MYO18B: variants seen among roughly 807,000 people sequenced by gnomAD.
MYO18B encodes myosin XVIIIB.
In MYO18B, 204 loss-of-function variants were observed where a neutral mutation model predicts 273.0. The ratio of observed to expected loss-of-function variants is 0.75; its 90% CI spans 0.67 to 0.84. The LOEUF (loss-of-function observed/expected upper bound fraction) is 0.84. MYO18B is among the 40% of genes least tolerant of loss of function. The probability of loss-of-function intolerance (pLI) is 0.00; values close to 1 mark genes in which losing one functional copy is unlikely to be tolerated. For missense variants in MYO18B, 3,212 were observed against 3,287.6 expected, an observed-to-expected ratio of 0.98 and a Z score of 0.56; for synonymous variants, 1,330 against 1,305.7, an observed-to-expected ratio of 1.02 and a Z score of -0.40.
chr22:25,990,754 G>A (rs7292258), intron 39 of MYO18B, among the ~76,000 whole-genome samples: 84,650 of 135,690 alleles, frequency 0.62, 28,074 homozygotes, highest in African/African-American at 0.82. Context: ...CAGGCTAAGA[G>A]AGGGGCTGTG....
chr22:26,049,949 A>G, the MYO18B span, among the ~76,000 whole-genome samples: 21 of 152,370 alleles, frequency 1.4e-4, no homozygotes, highest in East Asian at 4.0e-3. Flanking sequence ...TGTAGACTCA[A>G]TACATTGGAG....
intron 32 of MYO18B, 105 bp from the exon 33 acceptor site, chr22:25,910,841 G>A (rs1384148636): frequency 1.1e-6 from 1 of 888,742 alleles, no homozygotes; most frequent in Non-Finnish European, 1.8e-6. Context: ...ATGGAACAAA[G>A]CCACAAGCTC....
rs1251661386 is a variant in MYO18B, at chr22:25,771,126, G to A, written c.1692+142G>A. On this transcript the variant is annotated intron_variant, in intron 6 of 43. Coordinates refer to ENST00000335473, the MANE Select transcript of MYO18B (RefSeq NM_032608.7). ...ATTTTGGCTTGATGCCCTGGAGGGA[G>A]TTATAGTGAAGAACCCCACTGAACT... The A allele has an allele frequency of 7.7e-6, 5 of 647,954 alleles. No homozygotes were observed. The East Asian group carries it at 8.3e-5, about 11-fold the overall frequency. The allele number at this position is 647,954 out of a possible 1,614,324, so 40.1% of individuals were successfully genotyped here. A position where few individuals can be genotyped will look rare whatever the true frequency, so the allele number is the denominator to read the frequency against.
chr22:25,812,202 A>C (rs1306793271), intron 12 of MYO18B, among the ~76,000 whole-genome samples: 2 of 152,180 alleles, frequency 1.3e-5, no homozygotes, highest in Non-Finnish European at 2.9e-5. Flanking sequence ...CCTCCAAGAC[A>C]GGCCTGGCCT....
intron 1 of MYO18B, among the ~76,000 whole-genome samples, chr22:25,759,323 A>T (rs2086227647): frequency 6.6e-6 from 1 of 152,210 alleles, no homozygotes; most frequent in South Asian, 2.1e-4. Flanking sequence ...AAAATGTGGC[A>T]CATGTAATAC....
chr22:25,778,503 G>A (rs535418623), intron 8 of MYO18B, among the ~76,000 whole-genome samples: 42 of 151,866 alleles, frequency 2.8e-4, no homozygotes, highest in African/African-American at 8.2e-4. Flanking sequence ...TTATTGAGAC[G>A]GGGTCTCACT....
At chr22:25,919,710 A>G (rs934639716) in intron 33 of MYO18B, among the ~76,000 whole-genome samples, 10 of 142,128 alleles carry the variant, frequency 7.0e-5, no homozygotes, top group Admixed American at 2.1e-4. Flanking sequence ...GTGTGTGTGT[A>G]TAATAGAACA....
intron 22 of MYO18B, among the ~76,000 whole-genome samples, chr22:25,869,310 C>T (rs972661661): frequency 6.6e-6 from 1 of 151,760 alleles, no homozygotes; most frequent in African/African-American, 2.4e-5. Flanking sequence ...ATTATCTGGG[C>T]GTGGTGGTGT....
At chr22:25,949,256 G>T (rs2269644) in intron 36 of MYO18B, among the ~76,000 whole-genome samples, 4,077 of 152,300 alleles carry the variant, frequency 0.027, 326 homozygotes, top group Admixed American at 0.17. Context: ...AAGGGTGTCT[G>T]CCCTGGAGGT....
At position 25,925,626 on chromosome 22, in the gene MYO18B, T is replaced by C. The variant is rs2146468331; in HGVS notation, c.5517+4217T>C. On this transcript the variant is annotated intron_variant, in intron 34 of 43. Transcript: ENST00000335473. Reference sequence around the variant, plus strand: ...GCCTTCAGAAACTTGAGCAGGTGGCTGGGCACAGTGGCTCACACCTGTAAT... The same window carrying C: ...GCCTTCAGAAACTTGAGCAGGTGGCCGGGCACAGTGGCTCACACCTGTAAT... 1.3e-5 allele frequency among the ~76,000 whole-genome samples: 2 copies of C among 152,138 alleles called. 1 individual carries two copies.
intron 25 of MYO18B, among the ~76,000 whole-genome samples, chr22:25,887,636 A>G (rs2091540191): frequency 6.6e-6 from 1 of 152,126 alleles, no homozygotes; most frequent in Non-Finnish European, 1.5e-5. Flanking sequence ...TTCAATTTGC[A>G]ATCGCCTGAC....
chr22:25,747,073 G>C (rs2085801189), intron 1 of MYO18B, among the ~76,000 whole-genome samples: 1 of 152,148 alleles, frequency 6.6e-6, no homozygotes, highest in South Asian at 2.1e-4. Flanking sequence ...AGTGAGCCGA[G>C]ATGGCACCAC....
chr22:25,941,779 T>C (rs1250716683), intron 34 of MYO18B, among the ~76,000 whole-genome samples: 1 of 152,214 alleles, frequency 6.6e-6, no homozygotes, highest in Non-Finnish European at 1.5e-5. Context: ...GTCTGGTCTA[T>C]CCAGATCCTC....
rs1257596666 is a variant in MYO18B, at chr22:26,024,833, A to G, written c.6471-1612A>G. Among the ~76,000 whole-genome samples, 10 of 152,338 alleles carry G rather than the reference A, an allele frequency of 6.6e-5. No individual in the cohort carries two copies. The East Asian group carries it at 1.7e-3, about 26-fold the overall frequency. On this transcript the variant is annotated intron_variant, in intron 42 of 43. Coordinates refer to ENST00000335473, the MANE Select transcript of MYO18B (RefSeq NM_032608.7). ...CCTGTCTCAGTCTCTTCTGGCTGCT[A>G]TAACAAGAACACCATAGACTGGGTG... is the stretch of plus-strand genomic sequence containing the variant.
At chr22:25,886,870 C>T (rs1007583547) in intron 25 of MYO18B, among the ~76,000 whole-genome samples, 3 of 152,290 alleles carry the variant, frequency 2.0e-5, no homozygotes, top group Non-Finnish European at 2.9e-5. Flanking sequence ...CTCAACTCCC[C>T]AGTTTCCTGT....
intron 27 of MYO18B, among the ~76,000 whole-genome samples, chr22:25,891,733 T>A (rs2091667154): frequency 6.6e-6 from 1 of 152,196 alleles, no homozygotes; most frequent in African/African-American, 2.4e-5. Flanking sequence ...ATTTTAAAAA[T>A]AAATTTTGAG....
intron 27 of MYO18B, chr22:25,894,902 G>T: frequency 2.3e-6 from 1 of 431,146 alleles, no homozygotes; most frequent in Non-Finnish European, 4.2e-6. Context: ...ACAGTATAAG[G>T]CAACCAATCT....
At chr22:25,822,690 C>T (rs938191344) in intron 12 of MYO18B, among the ~76,000 whole-genome samples, 6 of 152,172 alleles carry the variant, frequency 3.9e-5, no homozygotes, top group African/African-American at 7.2e-5. Context: ...TTTATTTGGC[C>T]GGGAGTGCCG....
At chr22:25,796,698 A>T (rs568638673) in intron 11 of MYO18B, among the ~76,000 whole-genome samples, 5 of 152,308 alleles carry the variant, frequency 3.3e-5, no homozygotes, top group East Asian at 3.9e-4. Context: ...TGGTGGCTAC[A>T]AGAAGCAGTA....
Sources: allele counts gnomAD v4.1 joint callset (sites outside exome capture counted in the v4.1 genomes callset), GRCh38; gene constraint gnomAD v4.1.1; transcripts MANE v1.5; gene names NCBI Gene and HGNC (gene_info 2026-07-23, HGNC 2026-07-21).